RNF38: variants seen among roughly 807,000 people sequenced by gnomAD.
The protein encoded by RNF38 is ring finger protein 38, also known as E3 ubiquitin-protein ligase RNF38.
In RNF38, 15 loss-of-function variants were observed where a neutral mutation model predicts 67.2. The ratio of observed to expected loss-of-function variants is 0.22; its 90% confidence interval spans 0.15 to 0.34. The LOEUF (loss-of-function observed/expected upper bound fraction) is 0.34. Ranked by LOEUF, RNF38 falls within the 10% of genes least tolerant of loss-of-function variation. The pLI is 1.00. For missense variants in RNF38, 524 were observed against 639.9 expected, an observed-to-expected ratio of 0.82 and a Z score of 1.95; for synonymous variants, 220 against 218.8, an observed-to-expected ratio of 1.01 and a Z score of -0.05.
intron 1 of RNF38, among the ~76,000 whole-genome samples, chr9:36,476,578 C>T (rs1250725046): frequency 3.5e-5 from 5 of 142,486 alleles, no homozygotes; most frequent in African/African-American, 1.3e-4. Flanking sequence ...GGCTGGAGCG[C>T]GATGGCATGG....
intron 1 of RNF38, among the ~76,000 whole-genome samples, chr9:36,467,437 G>C (rs2134399484): frequency 6.6e-6 from 1 of 151,766 alleles, no homozygotes; most frequent in East Asian, 1.9e-4. Flanking sequence ...AGAGAAAACA[G>C]CCCAGTGCAA....
chr9:36,448,813 G>A (rs915645599), intron 1 of RNF38, among the ~76,000 whole-genome samples: 1 of 151,810 alleles, frequency 6.6e-6, no homozygotes, highest in African/African-American at 2.4e-5. Context: ...AGACCAGTCT[G>A]GCCAACATGG....
chr9:36,487,610 A>T (rs1354470376), upstream of RNF38: 12 of 976,724 alleles, frequency 1.2e-5, no homozygotes, highest in Non-Finnish European at 1.5e-5. Context: ...CCGGCGCGGC[A>T]GGCGCTGGCT....
intron 4 of RNF38, among the ~76,000 whole-genome samples, chr9:36,368,810 G>A (rs78873040): frequency 6.6e-6 from 1 of 151,190 alleles, no homozygotes; most frequent in African/African-American, 2.4e-5. Flanking sequence ...AATTTTTTTT[G>A]GTTTATAAAC....
upstream of RNF38, among the ~76,000 whole-genome samples, chr9:36,403,317 A>G (rs778547906): frequency 5.3e-5 from 8 of 152,256 alleles, no homozygotes; most frequent in African/African-American, 1.4e-4. Flanking sequence ...ACTTTCTGCA[A>G]TGACAAAAAT....
At chr9:36,342,553 C>A in intron 10 of RNF38, 129 bp from the exon 11 acceptor site, 1 of 640,040 alleles carries the variant, frequency 1.6e-6, no homozygotes, top group South Asian at 2.0e-5. Flanking sequence ...AAATTATCAA[C>A]CAATACCCTG....
At chr9:36,421,052 CAT>C (rs1279187285) in intron 2 of RNF38, among the ~76,000 whole-genome samples, 6 of 152,168 alleles carry the variant, frequency 3.9e-5, no homozygotes, top group African/African-American at 1.4e-4. Flanking sequence ...AATTGGCCCT[CAT>C]ACTCCTTGCC....
In RNF38 at chr9:36,338,656, T is replaced by C. The variant is rs1832619565; in HGVS notation, c.*1096A>G. ...AGTCAAGCTGAATTAACAGGTTTTG[T>C]TCTGGTGGAAGTCAACAAGGTGAGA... On this transcript the variant is annotated 3_prime_UTR_variant, in exon 12 of 12. Coordinates refer to ENST00000259605, the MANE Select transcript of RNF38 (RefSeq NM_022781.5). 6.6e-6 allele frequency: 1 copy of C among 152,436 alleles called. No individual in the cohort carries two copies. 9.4% of individuals were successfully genotyped at this position (152,436 alleles called of 1,614,324 possible). A position where few individuals can be genotyped will look rare whatever the true frequency, so the allele number is the denominator to read the frequency against.
chr9:36,409,139 A>G (rs942509814), intron 2 of RNF38, among the ~76,000 whole-genome samples: 1 of 151,982 alleles, frequency 6.6e-6, no homozygotes, highest in East Asian at 1.9e-4. Flanking sequence ...GTGAGCCAAG[A>G]TCACACCACT....
upstream of RNF38, among the ~76,000 whole-genome samples, chr9:36,403,343 C>T (rs868321206): frequency 1.3e-5 from 2 of 152,208 alleles, no homozygotes; most frequent in Non-Finnish European, 2.9e-5. Flanking sequence ...ACATCTGCCC[C>T]ATCGAAAAGG....
In RNF38 at chr9:36,429,146, C is replaced by T. The variant is rs138550676; in HGVS notation, n.242-4463G>A. On this transcript the variant is annotated intron_variant and non_coding_transcript_variant, in intron 1 of 3. Transcript: ENST00000488058. ...TCTGTGAAATACCCGTATGCTCTAA[C>T]TTTTAAATAAATTTTAATAGTAACA... 2.8e-3 allele frequency among the ~76,000 whole-genome samples: 420 copies of T among 152,246 alleles called. 2 individuals are homozygous for T. The highest frequency in any genetic ancestry group is 8.8e-3 in the African/African-American group (366 of 41,554).
rs559360873 is a variant in RNF38 at position 36,378,200 on chromosome 9, G to T, written c.163-2073C>A. On this transcript the variant is annotated intron_variant, in intron 2 of 11. Coordinates refer to ENST00000259605, the MANE Select transcript of RNF38 (RefSeq NM_022781.5). ...TTTTTTTTTTTTTTTTTTGTGAGAC[G>T]GAGTCTTGCTCTGTTGCCCAGGCTG... Among the ~76,000 whole-genome samples, 95 of 137,618 alleles carry T rather than the reference G, an allele frequency of 6.9e-4. 2 individuals are homozygous for T. The South Asian group carries it at 0.02, about 29-fold the overall frequency. 90.3% of individuals were successfully genotyped at this position (137,618 alleles called of 152,430 possible). A position where few individuals can be genotyped will look rare whatever the true frequency, so the allele number is the denominator to read the frequency against.
intron 2 of RNF38, among the ~76,000 whole-genome samples, chr9:36,419,868 G>C (rs965731894): frequency 6.6e-6 from 1 of 152,096 alleles, no homozygotes; most frequent in African/African-American, 2.4e-5. Context: ...CCTGACACAG[G>C]GTAGGGATGA....
intron 2 of RNF38, among the ~76,000 whole-genome samples, chr9:36,376,926 C>CAAAAAAA (rs34112141): frequency 2.0e-5 from 2 of 102,188 alleles, no homozygotes; most frequent in African/African-American, 3.7e-5. Flanking sequence ...GACTCTGTCT[C>CAAAAAAA]AAAAAAAAAA....
chr9:36,486,877 C>T (rs1490134121), intron 1 of RNF38, among the ~76,000 whole-genome samples: 2 of 152,168 alleles, frequency 1.3e-5, no homozygotes, highest in African/African-American at 4.8e-5. Context: ...CCCCCTCCCC[C>T]GAGATCTGTC....
At chr9:36,418,600 A>G (rs573995080) in intron 2 of RNF38, among the ~76,000 whole-genome samples, 6 of 151,868 alleles carry the variant, frequency 4.0e-5, no homozygotes, top group Non-Finnish European at 8.8e-5. Context: ...AGCTTGGCCA[A>G]CATGGTGAAA....
At chr9:36,359,158 T>C (rs556995576) in intron 4 of RNF38, among the ~76,000 whole-genome samples, 1 of 152,250 alleles carries the variant, frequency 6.6e-6, no homozygotes, top group African/African-American at 2.4e-5. Context: ...TCATTTGTAA[T>C]TTTTTTATTT....
At chr9:36,427,659 CTAT>C (rs1564058725) in intron 1 of RNF38, among the ~76,000 whole-genome samples, 583 of 20,336 alleles carry the variant, frequency 0.029, 4 homozygotes, top group African/African-American at 0.065. Flanking sequence ...TTCCCAGCCT[CTAT>C]CTATCTATCT....
intron 10 of RNF38, 117 bp from the exon 11 acceptor site, chr9:36,342,541 C>T (rs1033798428): frequency 2.9e-6 from 2 of 685,250 alleles, no homozygotes; most frequent in Admixed American, 2.4e-5. Context: ...AATTTTTAAA[C>T]AAAATTATCA....
Sources: allele counts gnomAD v4.1 joint callset (sites outside exome capture counted in the v4.1 genomes callset), GRCh38; gene constraint gnomAD v4.1.1; transcripts MANE v1.5; gene names NCBI Gene and HGNC (gene_info 2026-07-23, HGNC 2026-07-21).